The following MACROD2 variants were observed in gnomAD, a reference collection of about 807,000 sequenced individuals.
The protein encoded by MACROD2 is mono-ADP ribosylhydrolase 2.
A neutral mutation model predicts 70.4 loss-of-function variants in MACROD2; 36 were observed. That is an observed-to-expected ratio of 0.51 (90% CI 0.39 to 0.68). MACROD2 has a LOEUF of 0.68. Among genes scored for constraint, MACROD2 ranks in the 30% least tolerant of loss-of-function variants. MACROD2 has a pLI of 0.00. For synonymous variants in MACROD2, 172 were observed against 178.8 expected (o/e 0.96, Z 0.30); for missense variants, 496 against 538.4 (o/e 0.92, Z 0.78).
At chr20:13,996,731 T>C (rs776978341) in intron 1 of MACROD2, among the ~76,000 whole-genome samples, 1 of 152,212 alleles carries the variant, frequency 6.6e-6, no homozygotes, top group Non-Finnish European at 1.5e-5. Flanking sequence ...TCACCCTCCT[T>C]TTCACACCTC....
intron 3 of MACROD2, among the ~76,000 whole-genome samples, chr20:14,101,244 C>T (rs1355276780): frequency 8.6e-5 from 13 of 151,832 alleles, no homozygotes; most frequent in Admixed American, 5.9e-4. Flanking sequence ...TGATTATTCC[C>T]GATTTTATTG....
chr20:15,646,358 A>C lies in MACROD2; in HGVS notation c.645+146511A>C, dbSNP rs1390114523. ...TCATAAATAGTATGGGGACATATTT[A>C]ACATTTATTGATAGAGAATGGCTAA... On this transcript the variant is annotated intron_variant, in intron 8 of 17. Coordinates refer to ENST00000684519, the MANE Select transcript of MACROD2 (RefSeq NM_001351661.2). 2.6e-5 allele frequency among the ~76,000 whole-genome samples: 4 copies of C among 152,226 alleles called. No homozygotes were observed. In the East Asian group the frequency reaches 7.7e-4, roughly 29 times the overall value.
Position 15,222,643 on chromosome 20 carries a change from G to T in MACROD2, c.419-7297G>T, listed in dbSNP as rs578090880. Among the ~76,000 whole-genome samples the T allele has an allele frequency of 4.6e-5, 7 of 152,292 alleles. No homozygotes were observed. In the South Asian group the frequency reaches 1.5e-3, roughly 32 times the overall value. The stretch of plus-strand genomic sequence containing the variant: ...TATTATGCAGTCTGTTAGAAGGACC[G>T]ATTATGCTTATGAATACAAGAATGG... On this transcript the variant is annotated intron_variant, in intron 5 of 17. Transcript: ENST00000684519.
intron 3 of MACROD2, among the ~76,000 whole-genome samples, chr20:14,144,009 T>A (rs894731290): frequency 6.6e-6 from 1 of 152,182 alleles, no homozygotes; most frequent in East Asian, 1.9e-4. Flanking sequence ...TTGACTTTTT[T>A]TTCTATCTTT....
chr20:15,279,066 A>G lies in MACROD2; in HGVS notation c.540+49005A>G, dbSNP rs577443688. ...TGTTTCTTCAATGATAATAAAAAAG[A>G]ATGTCAGTTTTTTGCTTAAAACCCA... On this transcript the variant is annotated intron_variant, in intron 6 of 17. Coordinates refer to ENST00000684519, the MANE Select transcript of MACROD2 (RefSeq NM_001351661.2). Among the ~76,000 whole-genome samples the G allele has an allele frequency of 1.2e-4, 18 of 152,306 alleles. No homozygotes were observed. The South Asian group carries it at 1.5e-3, about 12-fold the overall frequency.
At chr20:14,135,305 CATGA>C (rs764234705) in intron 3 of MACROD2, among the ~76,000 whole-genome samples, 13 of 152,108 alleles carry the variant, frequency 8.5e-5, no homozygotes, top group Non-Finnish European at 1.8e-4. Context: ...GATAATAAAT[CATGA>C]TCTAGTAGAG....
chr20:15,178,257 G>C (rs1335077883), intron 5 of MACROD2, among the ~76,000 whole-genome samples: 1 of 152,092 alleles, frequency 6.6e-6, no homozygotes, highest in African/African-American at 2.4e-5. Context: ...TATGGGGACT[G>C]TCTCATGCAG....
chr20:15,429,365 C>G (rs1329343340), intron 6 of MACROD2, among the ~76,000 whole-genome samples: 1 of 152,072 alleles, frequency 6.6e-6, no homozygotes, highest in Non-Finnish European at 1.5e-5. Context: ...CTACTATGTT[C>G]CAGAAACTGT....
chr20:14,917,467 C>T (rs1352488144), intron 5 of MACROD2, among the ~76,000 whole-genome samples: 1 of 151,992 alleles, frequency 6.6e-6, no homozygotes, highest in Non-Finnish European at 1.5e-5. Flanking sequence ...GGGAGGACTC[C>T]ATGATAGTGC....
At chr20:15,260,779 G>A (rs2077242437) in intron 6 of MACROD2, among the ~76,000 whole-genome samples, 1 of 151,898 alleles carries the variant, frequency 6.6e-6, no homozygotes, top group Admixed American at 6.6e-5. Flanking sequence ...GCTAGCATTT[G>A]TTATTGCCTG....
intron 5 of MACROD2, among the ~76,000 whole-genome samples, chr20:15,034,887 A>G (rs1208338275): frequency 2.0e-5 from 3 of 152,274 alleles, no homozygotes; most frequent in South Asian, 2.1e-4. Context: ...TGGCCCTCCC[A>G]TTTATACAAA....
rs61542762 is a variant in MACROD2 at position 15,729,831 on chromosome 20, C to CTTTTTTTT, written c.646-132906_646-132899dup. 4.6e-5 allele frequency among the ~76,000 whole-genome samples: 3 copies of CTTTTTTTT among 64,776 alleles called. 1 individual carries two copies. The highest frequency in any genetic ancestry group is 8.4e-5 in the Non-Finnish European group (3 of 35,868). The allele number at this position is 64,776 out of a possible 152,430, so 42.5% of individuals were successfully genotyped here. ...GAACACAGCATGCAGTTGGGTCATG[C>CTTTTTTTT]TTTTTTTTTTTTTTTGGATGGAGTT... On this transcript the variant is annotated intron_variant, in intron 8 of 17. Coordinates refer to ENST00000684519, the MANE Select transcript of MACROD2 (RefSeq NM_001351661.2).
At chr20:14,795,039 A>G (rs1249238259) in intron 5 of MACROD2, among the ~76,000 whole-genome samples, 1 of 152,076 alleles carries the variant, frequency 6.6e-6, no homozygotes, top group Non-Finnish European at 1.5e-5. Flanking sequence ...CCTTAAGCAG[A>G]ATACAACTTG....
chr20:14,939,869 T>C (rs1318808254), intron 5 of MACROD2, among the ~76,000 whole-genome samples: 2 of 152,012 alleles, frequency 1.3e-5, no homozygotes, highest in Non-Finnish European at 2.9e-5. Flanking sequence ...GTAGCTATTA[T>C]AGATGGGATT....
chr20:14,020,074 A>G (rs1442136173), intron 2 of MACROD2, among the ~76,000 whole-genome samples: 2 of 152,188 alleles, frequency 1.3e-5, no homozygotes, highest in Non-Finnish European at 2.9e-5. Context: ...ACTAGAGGTA[A>G]ATTTGGCTCC....
intron 8 of MACROD2, among the ~76,000 whole-genome samples, chr20:15,676,294 T>A (rs1490606279): frequency 6.6e-6 from 1 of 152,226 alleles, no homozygotes; most frequent in African/African-American, 2.4e-5. Flanking sequence ...TAACAGTGAT[T>A]TGAGTCATGC....
rs150855435 is a variant in MACROD2, at chr20:14,898,738, A to G, written c.418+213779A>G. ...TCAACTGTCCTCACATCTTTGTACC[A>G]TTCTCCAGAGATTCAACGTTCTAAG... On this transcript the variant is annotated intron_variant, in intron 5 of 17. Transcript: ENST00000684519. Among the ~76,000 whole-genome samples the G allele has an allele frequency of 2.7e-3, 409 of 152,250 alleles. 2 individuals are homozygous for G. The highest frequency in any genetic ancestry group is 8.4e-3 in the African/African-American group (350 of 41,562).
chr20:15,203,473 C>T (rs747562460), intron 5 of MACROD2, among the ~76,000 whole-genome samples: 7 of 152,084 alleles, frequency 4.6e-5, no homozygotes, highest in Non-Finnish European at 8.8e-5. Context: ...TTTAGATTCA[C>T]ATCAGATGAT....
intron 4 of MACROD2, among the ~76,000 whole-genome samples, chr20:14,543,325 A>G (rs2085455611): frequency 6.6e-6 from 1 of 152,214 alleles, no homozygotes; most frequent in Admixed American, 6.5e-5. Context: ...TTGGCACAAC[A>G]TGCAATTTAT....
Sources: allele counts gnomAD v4.1 joint callset (sites outside exome capture counted in the v4.1 genomes callset), GRCh38; gene constraint gnomAD v4.1.1; transcripts MANE v1.5; gene names NCBI Gene and HGNC (gene_info 2026-07-23, HGNC 2026-07-21).